The following CTCF variants were observed in gnomAD, a reference collection of about 807,000 sequenced individuals.
The protein encoded by CTCF is CCCTC-binding factor.
CTCF carries 7 observed loss-of-function variants against 72.3 expected under a neutral mutation model. That is an observed-to-expected ratio of 0.10 (90% CI 0.06 to 0.18). The LOEUF (loss-of-function observed/expected upper bound fraction) is 0.18. Ranked by LOEUF, CTCF falls within the 10% of genes least tolerant of loss-of-function variation. The probability of loss-of-function intolerance (pLI) is 1.00; values close to 1 mark genes in which losing one functional copy is unlikely to be tolerated. For missense variants in CTCF, 516 were observed against 949.1 expected, an observed-to-expected ratio of 0.54 and a Z score of 6.00; for synonymous variants, 374 against 315.8, an observed-to-expected ratio of 1.18 and a Z score of -1.95.
Position 67,608,864 on chromosome 16 carries a change from A to G in CTCF, c.-9-1960A>G, listed in dbSNP as rs557175385. Among the ~76,000 whole-genome samples the G allele has an allele frequency of 3.9e-5, 6 of 152,022 alleles. No individual in the cohort carries two copies. In the South Asian group the frequency reaches 6.2e-4, roughly 16 times the overall value. On this transcript the variant is annotated intron_variant, in intron 2 of 11. Transcript: ENST00000264010. Reference sequence around the variant, plus strand: ...ACGATTCTCCTGCCTCAGCCTCCCAAGTAGCCAGGATTACATACAGGCATG... The same window carrying G: ...ACGATTCTCCTGCCTCAGCCTCCCAGGTAGCCAGGATTACATACAGGCATG...
chr16:67,624,872 G>A (rs577434942), intron 7 of CTCF, among the ~76,000 whole-genome samples: 63 of 151,998 alleles, frequency 4.1e-4, no homozygotes, highest in Non-Finnish European at 7.4e-4. Flanking sequence ...AGGATTACAG[G>A]TGTGAGCCAC....
chr16:67,572,937 G>GCCCCCCCCCCCCCC (rs1174765294), intron 2 of CTCF, among the ~76,000 whole-genome samples: 1 of 76,598 alleles, frequency 1.3e-5, no homozygotes, highest in African/African-American at 5.9e-5. Context: ...GACTCTGTCT[G>GCCCCCCCCCCCCCC]CCCCCCCCCG....
At chr16:67,580,730 T>A (rs1329417799) in intron 2 of CTCF, among the ~76,000 whole-genome samples, 1 of 148,626 alleles carries the variant, frequency 6.7e-6, no homozygotes. Context: ...CTCGGCTAAT[T>A]TTGTACTTTT....
intron 2 of CTCF, among the ~76,000 whole-genome samples, chr16:67,579,013 G>A (rs1009282307): frequency 9.2e-5 from 14 of 151,864 alleles, no homozygotes; most frequent in Non-Finnish European, 1.9e-4. Flanking sequence ...CCAGCACTTT[G>A]GGAGGCCAAG....
chr16:67,606,739 TC>T (rs2051977998), intron 2 of CTCF, among the ~76,000 whole-genome samples: 1 of 150,890 alleles, frequency 6.6e-6, no homozygotes, highest in African/African-American at 2.4e-5. Flanking sequence ...ACAAAACACT[TC>T]AATGTTTTGT....
intron 5 of CTCF, 63 bp downstream of exon 5, chr16:67,616,941 G>A (rs2052139131): frequency 6.5e-7 from 1 of 1,543,580 alleles, no homozygotes; most frequent in South Asian, 1.1e-5. Flanking sequence ...TCAATACAAA[G>A]CTATAACTAC....
In CTCF at chr16:67,584,939, T is replaced by A. The variant is rs188198156; in HGVS notation, c.-10+13675T>A. Among the ~76,000 whole-genome samples the A allele has an allele frequency of 2.9e-4, 44 of 152,372 alleles. 1 individual carries two copies. In the East Asian group the frequency reaches 6.4e-3, roughly 22 times the overall value. ...CTAATTATTTTATACATTCATTTTT[T>A]AAATCTCTTTTGACAGAAAAACATG... On this transcript the variant is annotated intron_variant, in intron 2 of 11. Transcript: ENST00000264010.
intron 2 of CTCF, among the ~76,000 whole-genome samples, chr16:67,585,598 T>C (rs1285383952): frequency 6.6e-6 from 1 of 152,226 alleles, no homozygotes; most frequent in Non-Finnish European, 1.5e-5. Flanking sequence ...ACTTCTGTTT[T>C]TAATGTAGTG....
chr16:67,586,786 T>C (rs1418402875), intron 2 of CTCF, among the ~76,000 whole-genome samples: 3 of 152,118 alleles, frequency 2.0e-5, no homozygotes, highest in African/African-American at 7.2e-5. Context: ...TGCTATACTC[T>C]TTTGTTGTTG....
chr16:67,564,223 G>A (rs148141945), intron 1 of CTCF, among the ~76,000 whole-genome samples: 11 of 152,300 alleles, frequency 7.2e-5, no homozygotes, highest in African/African-American at 2.4e-4. Flanking sequence ...TTGAATTGCG[G>A]GAGTCTTTTG....
In CTCF at chr16:67,582,635, G is replaced by T. The variant is rs189384376; in HGVS notation, c.-10+11371G>T. Reference sequence around the variant, plus strand: ...TTGAACCTGGGAGGCAGAGGTTGCAGTGAGCCGAGATCGCGCCACTGCACT... The same window carrying T: ...TTGAACCTGGGAGGCAGAGGTTGCATTGAGCCGAGATCGCGCCACTGCACT... On this transcript the variant is annotated intron_variant, in intron 2 of 11. Transcript: ENST00000264010. Among the ~76,000 whole-genome samples the T allele has an allele frequency of 5.4e-3, 827 of 152,190 alleles. 7 individuals carry two copies. The highest frequency in any genetic ancestry group is 0.019 in the African/African-American group (809 of 41,524).
intron 2 of CTCF, among the ~76,000 whole-genome samples, chr16:67,590,912 G>A (rs530034532): frequency 2.0e-3 from 287 of 142,010 alleles, no homozygotes; most frequent in Non-Finnish European, 3.5e-3. Flanking sequence ...AGTAAGCTGA[G>A]ATGGCACCAT....
chr16:67,596,306 C>G (rs941338198), intron 2 of CTCF, among the ~76,000 whole-genome samples: 15 of 152,144 alleles, frequency 9.9e-5, no homozygotes, highest in African/African-American at 3.6e-4. Flanking sequence ...AATGCTGTCA[C>G]ATTATTTTAG....
intron 7 of CTCF, among the ~76,000 whole-genome samples, 157 bp downstream of exon 7, chr16:67,621,748 C>CTT (rs34853932): frequency 0.046 from 5,570 of 121,290 alleles, 554 homozygotes; most frequent in African/African-American, 0.17. Context: ...TGCTTAGCTG[C>CTT]TTTTTTTTTT....
At chr16:67,609,213 G>GCTA (rs1222058436) in intron 2 of CTCF, among the ~76,000 whole-genome samples, 6 of 152,118 alleles carry the variant, frequency 3.9e-5, no homozygotes, top group African/African-American at 1.4e-4. Flanking sequence ...AGAAAATTAA[G>GCTA]CTAATTCATA....
At chr16:67,626,841 G>A in intron 8 of CTCF, 126 bp downstream of exon 8, 1 of 635,714 alleles carries the variant, frequency 1.6e-6, no homozygotes, top group Admixed American at 4.1e-5. Flanking sequence ...TATGAGGAAT[G>A]TCACCAAAAT....
intron 2 of CTCF, among the ~76,000 whole-genome samples, chr16:67,576,555 T>TG (rs934591312): frequency 3.4e-5 from 5 of 147,116 alleles, no homozygotes; most frequent in East Asian, 2.0e-4. Flanking sequence ...AGAATGTTTT[T>TG]TTTTTTTTTT....
intron 2 of CTCF, among the ~76,000 whole-genome samples, chr16:67,585,311 A>G (rs1055187003): frequency 1.3e-5 from 2 of 152,298 alleles, no homozygotes; most frequent in African/African-American, 4.8e-5. Context: ...TGGCCTCCCA[A>G]AGTGCTGGGA....
intron 5 of CTCF, among the ~76,000 whole-genome samples, chr16:67,619,801 C>G (rs2052178925): frequency 6.6e-6 from 1 of 152,156 alleles, no homozygotes; most frequent in Non-Finnish European, 1.5e-5. Flanking sequence ...CCAGGCTGGT[C>G]TCGAACTCCT....
Sources: gnomAD v4.1 joint callset for allele counts (sites outside exome capture counted in the v4.1 genomes callset) on GRCh38, gnomAD v4.1.1 for gene constraint, MANE v1.5 for transcripts, NCBI Gene and HGNC (gene_info 2026-07-23, HGNC 2026-07-21) for gene names.